Variants in PCDH15 observed in about 807,000 individuals in gnomAD.
PCDH15 encodes protocadherin-15.
PCDH15 carries 129 observed loss-of-function variants against 178.5 expected under a neutral mutation model. The observed-to-expected ratio is 0.72, with a 90% CI of 0.63 to 0.84. The LOEUF is 0.84. Among genes scored for constraint, PCDH15 ranks in the 40% least tolerant of loss-of-function variants. The pLI is 0.00. For synonymous variants in PCDH15, 800 were observed against 732.0 expected, an observed-to-expected ratio of 1.09 and a Z score of -1.50; for missense variants, 2,230 against 2,099.9, an observed-to-expected ratio of 1.06 and a Z score of -1.21.
chr10:54,153,215 T>A lies in PCDH15; in HGVS notation c.1669A>T (p.Ile557Phe). ...ATAAGCCCTGTTGTTTTATTGATGA[T>A]GAAGTCTCCCTGAGCCCCAACAAGG... ...EILVGAQGDF[I>F]INKTTGLITI... is the part of the protein sequence containing the mutation. Residue 557 changes from isoleucine to phenylalanine, a missense_variant, in exon 14 of 38, where the codon ATC (isoleucine) becomes TTC (phenylalanine). Coordinates refer to ENST00000644397, the MANE Select transcript of PCDH15 (RefSeq NM_001384140.1). The A allele has an allele frequency of 6.2e-7, 1 of 1,613,924 alleles. No homozygotes were observed. Among genetic ancestry groups the A allele is most frequent in the Middle Eastern group, 1.6e-4 (1 of 6,062 alleles).
At chr10:55,155,076 G>C (rs1838847155) in intron 2 of PCDH15, among the ~76,000 whole-genome samples, 1 of 124,984 alleles carries the variant, frequency 8.0e-6, no homozygotes, top group South Asian at 2.9e-4. Flanking sequence ...TCAACCTATA[G>C]ATGTAGTTAG....
intron 1 of PCDH15, among the ~76,000 whole-genome samples, chr10:54,714,098 T>A (rs2095452884): frequency 6.6e-6 from 1 of 152,152 alleles, no homozygotes; most frequent in East Asian, 1.9e-4. Context: ...ATTCTTCGGT[T>A]ATATTTTCTT....
intron 14 of PCDH15, among the ~76,000 whole-genome samples, chr10:54,135,532 C>T (rs1259708135): frequency 6.6e-6 from 1 of 152,166 alleles, no homozygotes; most frequent in Non-Finnish European, 1.5e-5. Flanking sequence ...TGAGGTAGAC[C>T]TAACATCCTT....
intron 2 of PCDH15, among the ~76,000 whole-genome samples, chr10:55,070,238 C>T (rs1841694994): frequency 6.6e-6 from 1 of 152,134 alleles, no homozygotes; most frequent in Non-Finnish European, 1.5e-5. Context: ...TACCTGTTCA[C>T]TCTGATGGTA....
At chr10:55,030,638 C>G (rs1840587198) in intron 2 of PCDH15, among the ~76,000 whole-genome samples, 1 of 152,048 alleles carries the variant, frequency 6.6e-6, no homozygotes, top group African/African-American at 2.4e-5. Flanking sequence ...ACTAAACCAT[C>G]AAATTAGAAA....
At chr10:53,986,060 T>C (rs1321050197) in intron 21 of PCDH15, among the ~76,000 whole-genome samples, 2 of 152,130 alleles carry the variant, frequency 1.3e-5, no homozygotes, top group Admixed American at 6.6e-5. Context: ...ACAGTATTGT[T>C]AACTACAGTC....
At chr10:55,488,248 T>A (rs564217973) in intron 2 of PCDH15, among the ~76,000 whole-genome samples, 1 of 151,668 alleles carries the variant, frequency 6.6e-6, no homozygotes, top group African/African-American at 2.4e-5. Context: ...ACATTTTAAT[T>A]ATTTTGGCTA....
At chr10:54,814,006 A>G (rs1423391821) in intron 3 of PCDH15, among the ~76,000 whole-genome samples, 1 of 152,122 alleles carries the variant, frequency 6.6e-6, no homozygotes, top group African/African-American at 2.4e-5. Flanking sequence ...ATATGCTAAT[A>G]TTTCTGCTGA....
intron 2 of PCDH15, among the ~76,000 whole-genome samples, chr10:54,617,793 G>A (rs968863382): frequency 1.3e-5 from 2 of 150,794 alleles, no homozygotes; most frequent in Non-Finnish European, 3.0e-5. Flanking sequence ...AGGCATAGTG[G>A]CGGGCACCTA....
At chr10:54,442,432 A>ATG (rs1186786972) in intron 3 of PCDH15, among the ~76,000 whole-genome samples, 2 of 113,074 alleles carry the variant, frequency 1.8e-5, no homozygotes, top group African/African-American at 8.2e-5. Flanking sequence ...ATATATATAT[A>ATG]TATATATATA....
At chr10:54,723,006 T>C (rs1182055185) in intron 1 of PCDH15, among the ~76,000 whole-genome samples, 1 of 151,458 alleles carries the variant, frequency 6.6e-6, no homozygotes, top group Non-Finnish European at 1.5e-5. Flanking sequence ...TGCCTATCAA[T>C]TTAGCAATGT....
At chr10:54,062,400 A>G (rs544173676) in intron 18 of PCDH15, among the ~76,000 whole-genome samples, 1 of 152,120 alleles carries the variant, frequency 6.6e-6, no homozygotes, top group Admixed American at 6.6e-5. Context: ...TTTAAGTCTT[A>G]ATAGTTTTTG....
intron 2 of PCDH15, among the ~76,000 whole-genome samples, chr10:55,014,961 C>A (rs1840135572): frequency 6.6e-6 from 1 of 152,102 alleles, no homozygotes. Context: ...TGGCTCACAC[C>A]CGTAATCTCA....
intron 18 of PCDH15, among the ~76,000 whole-genome samples, chr10:54,031,370 T>A (rs1387826570): frequency 6.6e-6 from 1 of 152,052 alleles, no homozygotes; most frequent in Non-Finnish European, 1.5e-5. Context: ...ATAGCAAAAC[T>A]CACTTTTTAT....
chr10:54,478,696 C>T (rs1291334706), intron 3 of PCDH15, among the ~76,000 whole-genome samples: 1 of 152,052 alleles, frequency 6.6e-6, no homozygotes, highest in African/African-American at 2.4e-5. Flanking sequence ...GCAAACTTAA[C>T]AAGCAATTTA....
chr10:54,250,530 G>A (rs989374334), intron 8 of PCDH15, among the ~76,000 whole-genome samples: 6 of 151,426 alleles, frequency 4.0e-5, no homozygotes, highest in Non-Finnish European at 5.9e-5. Context: ...TGATCCACTT[G>A]CCTCGGCCTC....
At chr10:55,405,609 T>G (rs1838180662) in intron 2 of PCDH15, among the ~76,000 whole-genome samples, 1 of 151,848 alleles carries the variant, frequency 6.6e-6, no homozygotes, top group Non-Finnish European at 1.5e-5. Context: ...TGTATTTCTA[T>G]AATTAGAATG....
intron 1 of PCDH15, among the ~76,000 whole-genome samples, chr10:54,766,841 A>T (rs548145296): frequency 3.9e-5 from 6 of 152,154 alleles, no homozygotes; most frequent in African/African-American, 1.4e-4. Context: ...GAGGCAGGAG[A>T]ATGACGTGAA....
intron 3 of PCDH15, among the ~76,000 whole-genome samples, chr10:54,421,692 A>ATATATATATATG (rs1955378383): frequency 8.8e-6 from 1 of 113,662 alleles, no homozygotes; most frequent in Non-Finnish European, 1.6e-5. Context: ...ATATATATAT[A>ATATATATATATG]TACACACACA....
Sources: allele counts gnomAD v4.1 joint callset (sites outside exome capture counted in the v4.1 genomes callset), GRCh38; gene constraint gnomAD v4.1.1; transcripts MANE v1.5; gene names NCBI Gene and HGNC (gene_info 2026-07-23, HGNC 2026-07-21).